CDC42SE2: variants seen among roughly 807,000 people sequenced by gnomAD.
The protein encoded by CDC42SE2 is CDC42 small effector 2, also known as CDC42 small effector protein 2.
In CDC42SE2, 3 loss-of-function variants were observed where a neutral mutation model predicts 11.5. The ratio of observed to expected loss-of-function variants is 0.26; its 90% confidence interval spans 0.12 to 0.67. CDC42SE2 has a LOEUF of 0.67. CDC42SE2 is among the 30% of genes least tolerant of loss of function. The pLI, the probability that CDC42SE2 is intolerant of heterozygous loss-of-function variation, is 0.80. For synonymous variants in CDC42SE2, 33 were observed against 34.8 expected, an observed-to-expected ratio of 0.95 and a Z score of 0.18; for missense variants, 82 against 106.8, an observed-to-expected ratio of 0.77 and a Z score of 1.02.
intron 1 of CDC42SE2, among the ~76,000 whole-genome samples, chr5:131,266,180 T>C (rs1756854160): frequency 6.6e-6 from 1 of 152,212 alleles, no homozygotes; most frequent in Non-Finnish European, 1.5e-5. Context: ...GCATTTATTC[T>C]GAACATAAGG....
At chr5:131,266,460 C>CTTTTTTTTTTT (rs913283936) in intron 1 of CDC42SE2, among the ~76,000 whole-genome samples, 13 of 128,194 alleles carry the variant, frequency 1.0e-4, no homozygotes, top group East Asian at 2.3e-4. Context: ...TTTTTTTTTT[C>CTTTTTTTTTTT]TTTTTTTTTT....
intron 1 of CDC42SE2, among the ~76,000 whole-genome samples, chr5:131,311,862 T>C (rs1757923850): frequency 6.6e-6 from 1 of 152,122 alleles, no homozygotes; most frequent in South Asian, 2.1e-4. Context: ...TTTTTCAAAG[T>C]TTTCAACTTC....
rs1214900562 is a variant in CDC42SE2, at chr5:131,274,062, G to A, written c.-455+9896G>A. ...TGGGACTACAGGCGTGAGCTACTGCGCCCAGCCTAGAATTATATATTTCAA... is the reference window on the plus strand; with the variant it reads ...TGGGACTACAGGCGTGAGCTACTGCACCCAGCCTAGAATTATATATTTCAA... On this transcript the variant is annotated intron_variant, in intron 1 of 4. Transcript: ENST00000505065. 2.6e-5 allele frequency among the ~76,000 whole-genome samples: 4 copies of A among 152,102 alleles called. No individual in the cohort carries two copies. In the South Asian group the frequency reaches 6.2e-4, roughly 24 times the overall value.
chr5:131,276,901 T>TA (rs958265409), intron 1 of CDC42SE2, among the ~76,000 whole-genome samples: 1 of 151,970 alleles, frequency 6.6e-6, no homozygotes. Context: ...CTAATTTTTT[T>TA]ATTTTTTTTT....
chr5:131,345,150 G>A (rs761409449), intron 2 of CDC42SE2, among the ~76,000 whole-genome samples: 9 of 151,672 alleles, frequency 5.9e-5, no homozygotes, highest in Non-Finnish European at 1.3e-4. Flanking sequence ...GACAGAGAAT[G>A]ACTTTGGCAA....
At chr5:131,334,043 G>C (rs1580760250) in intron 2 of CDC42SE2, among the ~76,000 whole-genome samples, 1 of 152,100 alleles carries the variant, frequency 6.6e-6, no homozygotes, top group East Asian at 1.9e-4. Flanking sequence ...TCTTGTGCCA[G>C]TTTTCAAAGG....
intron 1 of CDC42SE2, among the ~76,000 whole-genome samples, chr5:131,284,993 A>G (rs1757312039): frequency 6.6e-6 from 1 of 151,964 alleles, no homozygotes; most frequent in South Asian, 2.1e-4. Flanking sequence ...TATCTCTAAA[A>G]AAACAAAACC....
rs181887217 is a variant in CDC42SE2, at chr5:131,381,905, T to C, written c.55-3638T>C. Among the ~76,000 whole-genome samples, 301 of 152,350 alleles carry C rather than the reference T, an allele frequency of 2.0e-3. 1 individual carries two copies. The highest frequency in any genetic ancestry group is 7.0e-3 in the African/African-American group (290 of 41,576). ...TATGTGATCTGGTTCTTGCTTATCT[T>C]ACTATTTTCATCTTAGGTGTTTACC... On this transcript the variant is annotated intron_variant, in intron 3 of 4. Transcript: ENST00000505065.
At chr5:131,375,766 C>G (rs546565560) in intron 3 of CDC42SE2, among the ~76,000 whole-genome samples, 1 of 152,320 alleles carries the variant, frequency 6.6e-6, no homozygotes, top group East Asian at 1.9e-4. Flanking sequence ...TTTTTCCAGT[C>G]TCTGCAGTAT....
chr5:131,382,001 G>GC (rs1750341725), intron 3 of CDC42SE2, among the ~76,000 whole-genome samples: 1 of 152,204 alleles, frequency 6.6e-6, no homozygotes, highest in Admixed American at 6.5e-5. Context: ...GCCTTGGGGA[G>GC]CGAAGGACTG....
intron 2 of CDC42SE2, among the ~76,000 whole-genome samples, chr5:131,325,597 T>C (rs1232702841): frequency 6.6e-6 from 1 of 152,082 alleles, no homozygotes; most frequent in African/African-American, 2.4e-5. Context: ...CCAGGCTCTA[T>C]TTTAGCCTGA....
intron 1 of CDC42SE2, among the ~76,000 whole-genome samples, chr5:131,309,401 A>T (rs907818843): frequency 1.3e-5 from 2 of 152,106 alleles, no homozygotes; most frequent in African/African-American, 4.8e-5. Flanking sequence ...ATTGGTCTAA[A>T]ATTCTCTTTT....
intron 2 of CDC42SE2, among the ~76,000 whole-genome samples, chr5:131,344,222 G>T (rs566744213): frequency 6.6e-6 from 1 of 152,204 alleles, no homozygotes; most frequent in Non-Finnish European, 1.5e-5. Context: ...CCTGGGAAGC[G>T]CAGGGGATCG....
At chr5:131,287,590 G>A (rs1235254313) in intron 1 of CDC42SE2, among the ~76,000 whole-genome samples, 2 of 151,596 alleles carry the variant, frequency 1.3e-5, no homozygotes, top group East Asian at 1.9e-4. Flanking sequence ...AGCCTCCCAA[G>A]TCGGTGGGAC....
chr5:131,332,965 T>C (rs902750100), intron 2 of CDC42SE2, among the ~76,000 whole-genome samples: 1 of 151,980 alleles, frequency 6.6e-6, no homozygotes, highest in Admixed American at 6.5e-5. Flanking sequence ...AGAAGCTCTT[T>C]AGTTTAATTA....
At chr5:131,330,090 A>G (rs186701927) in intron 2 of CDC42SE2, among the ~76,000 whole-genome samples, 3 of 151,986 alleles carry the variant, frequency 2.0e-5, no homozygotes, top group African/African-American at 7.2e-5. Flanking sequence ...GTATTCAGCT[A>G]ATAGGTGGGC....
intron 1 of CDC42SE2, among the ~76,000 whole-genome samples, chr5:131,283,295 C>T (rs1204489024): frequency 6.6e-6 from 1 of 152,082 alleles, no homozygotes; most frequent in Non-Finnish European, 1.5e-5. Context: ...TTCATCACCC[C>T]AAAACAAAAT....
chr5:131,307,413 T>C (rs1239624113), intron 1 of CDC42SE2, among the ~76,000 whole-genome samples: 2 of 152,076 alleles, frequency 1.3e-5, no homozygotes, highest in Non-Finnish European at 2.9e-5. Flanking sequence ...TTTTTATGGC[T>C]GCATAGTATT....
chr5:131,382,557 T>G (rs913905886), intron 3 of CDC42SE2, among the ~76,000 whole-genome samples: 4 of 152,142 alleles, frequency 2.6e-5, no homozygotes, highest in African/African-American at 7.2e-5. Flanking sequence ...TGATCAAGAC[T>G]CCTCCTAGTG....
Sources: gnomAD v4.1 joint callset for allele counts (sites outside exome capture counted in the v4.1 genomes callset) on GRCh38, gnomAD v4.1.1 for gene constraint, MANE v1.5 for transcripts, NCBI Gene and HGNC (gene_info 2026-07-23, HGNC 2026-07-21) for gene names.